Variants in COMMD10 observed in about 807,000 individuals in gnomAD.
COMMD10 encodes COMM domain-containing protein 10.
COMMD10 carries 33 observed loss-of-function variants against 28.9 expected under a neutral mutation model. The ratio of observed to expected loss-of-function variants is 1.14; its 90% CI spans 0.87 to 1.53. The LOEUF is 1.53. COMMD10 is among the 40% of genes most tolerant of loss of function. COMMD10 has a pLI of 0.00. For synonymous variants in COMMD10, 110 were observed against 81.7 expected (o/e 1.35, Z -1.87); for missense variants, 310 against 233.4 (o/e 1.33, Z -2.14).
At chr5:116,150,677 A>G (rs1328541912) in intron 5 of COMMD10, among the ~76,000 whole-genome samples, 2 of 142,180 alleles carry the variant, frequency 1.4e-5, no homozygotes, top group Non-Finnish European at 3.0e-5. Context: ...TTGGTGTATA[A>G]GAATGCTTGT....
At chr5:116,218,674 C>G (rs1749167231) in intron 5 of COMMD10, among the ~76,000 whole-genome samples, 1 of 151,970 alleles carries the variant, frequency 6.6e-6, no homozygotes, top group Non-Finnish European at 1.5e-5. Flanking sequence ...GAAAGTAGAA[C>G]CATATTCCCA....
chr5:116,273,736 T>A (rs1019451472), intron 5 of COMMD10, among the ~76,000 whole-genome samples: 4 of 151,738 alleles, frequency 2.6e-5, no homozygotes, highest in African/African-American at 9.7e-5. Flanking sequence ...TCTAAGCCTT[T>A]GACTTCTGTT....
chr5:116,218,377 G>A (rs750021489), intron 5 of COMMD10: 7 of 548,904 alleles, frequency 1.3e-5, no homozygotes, highest in African/African-American at 1.9e-5. Context: ...TCCAGGGGTC[G>A]TTCTTGCCTC....
At chr5:116,199,800 C>T (rs768578917) in intron 5 of COMMD10, among the ~76,000 whole-genome samples, 1 of 152,020 alleles carries the variant, frequency 6.6e-6, no homozygotes, top group Non-Finnish European at 1.5e-5. Context: ...GCTATGTTGC[C>T]CAGGTTGGTC....
intron 5 of COMMD10, among the ~76,000 whole-genome samples, chr5:116,224,283 ACT>A (rs1749336848): frequency 1.3e-5 from 2 of 152,136 alleles, no homozygotes; most frequent in Admixed American, 6.5e-5. Context: ...GAATTAGGAA[ACT>A]CTATGTAGAT....
intron 4 of COMMD10, among the ~76,000 whole-genome samples, chr5:116,126,825 G>A (rs11746600): frequency 0.5 from 76,615 of 151,994 alleles, 21,907 homozygotes; most frequent in Non-Finnish European, 0.65. Context: ...AAAAACCCTA[G>A]GAGGAAACCT....
chr5:116,095,556 T>C (rs1750442093), intron 4 of COMMD10, among the ~76,000 whole-genome samples: 1 of 152,104 alleles, frequency 6.6e-6, no homozygotes, highest in African/African-American at 2.4e-5. Context: ...GATTTGCACG[T>C]ATTTTCTCCT....
At chr5:116,239,540 C>T (rs1337118671) in intron 5 of COMMD10, among the ~76,000 whole-genome samples, 1 of 152,016 alleles carries the variant, frequency 6.6e-6, no homozygotes, top group Non-Finnish European at 1.5e-5. Context: ...AAAATAAAAT[C>T]TGACTCTTGT....
intron 5 of COMMD10, among the ~76,000 whole-genome samples, chr5:116,161,895 T>G (rs967147145): frequency 2.6e-5 from 4 of 152,198 alleles, no homozygotes; most frequent in African/African-American, 9.6e-5. Context: ...TGCACACCTA[T>G]GTTCTGTGGG....
intron 5 of COMMD10, among the ~76,000 whole-genome samples, chr5:116,217,209 A>C (rs1749128334): frequency 6.7e-6 from 1 of 150,156 alleles, no homozygotes; most frequent in Admixed American, 6.6e-5. Context: ...TTTTTTTTCC[A>C]AGCCAAACTG....
chr5:116,111,492 AT>A (rs1474639366), intron 4 of COMMD10, among the ~76,000 whole-genome samples: 1 of 90,220 alleles, frequency 1.1e-5, no homozygotes, highest in Non-Finnish European at 3.1e-5. Context: ...GTTTCATAAA[AT>A]TTTTTAATTC....
chr5:116,144,870 C>T (rs1244736873), intron 5 of COMMD10, among the ~76,000 whole-genome samples: 1 of 151,608 alleles, frequency 6.6e-6, no homozygotes. Flanking sequence ...AATGGAGATA[C>T]TAGAGGAGGT....
intron 5 of COMMD10, among the ~76,000 whole-genome samples, chr5:116,148,202 T>C (rs1317622320): frequency 6.6e-6 from 1 of 151,890 alleles, no homozygotes; most frequent in Admixed American, 6.6e-5. Context: ...TGCTAAAATA[T>C]TAGATTTTTA....
chr5:116,181,823 T>A (rs912583018), intron 5 of COMMD10, among the ~76,000 whole-genome samples: 7 of 152,090 alleles, frequency 4.6e-5, no homozygotes, highest in Admixed American at 3.3e-4. Context: ...TTGGCCAACA[T>A]CTCAGCATTT....
chr5:116,270,908 C>T (rs1167961604), intron 5 of COMMD10, among the ~76,000 whole-genome samples: 1 of 151,646 alleles, frequency 6.6e-6, no homozygotes, highest in Non-Finnish European at 1.5e-5. Flanking sequence ...CATTACACTC[C>T]AGCATGGGCA....
chr5:116,208,636 T>A, intron 5 of COMMD10, among the ~76,000 whole-genome samples: 1 of 152,210 alleles, frequency 6.6e-6, no homozygotes, highest in East Asian at 1.9e-4. Flanking sequence ...AAAAGTGATT[T>A]CAGTGGAGGT....
intron 4 of COMMD10, among the ~76,000 whole-genome samples, chr5:116,106,489 G>T (rs532399403): frequency 4.6e-5 from 7 of 152,160 alleles, no homozygotes; most frequent in Middle Eastern, 3.2e-3. Flanking sequence ...TTCTGTAGAT[G>T]TCTATTAAGT....
At chr5:116,236,998 T>C (rs1271882880) in intron 5 of COMMD10, among the ~76,000 whole-genome samples, 1 of 152,020 alleles carries the variant, frequency 6.6e-6, no homozygotes, top group East Asian at 1.9e-4. Context: ...AAGGGGTTAA[T>C]GTATTGGGGT....
At chr5:116,280,759 C>T (rs911853825) in intron 5 of COMMD10, among the ~76,000 whole-genome samples, 2 of 151,594 alleles carry the variant, frequency 1.3e-5, no homozygotes, top group African/African-American at 4.9e-5. Context: ...TAAAGATTGT[C>T]AACAAATAAT....
Sources: allele counts gnomAD v4.1 joint callset (sites outside exome capture counted in the v4.1 genomes callset), GRCh38; gene constraint gnomAD v4.1.1; transcripts MANE v1.5; gene names NCBI Gene and HGNC (gene_info 2026-07-23, HGNC 2026-07-21).